Variants in CLTRN observed in about 807,000 individuals in gnomAD.
The protein encoded by CLTRN is collectrin.
CLTRN carries 12 observed loss-of-function variants against 14.5 expected under a neutral mutation model. The ratio of observed to expected loss-of-function variants is 0.83; its 90% CI spans 0.53 to 1.34. CLTRN has a LOEUF of 1.34. CLTRN is among the 40% of genes most tolerant of loss of function. The pLI is 0.00. For missense variants in CLTRN, 154 were observed against 165.1 expected (o/e 0.93, Z 0.37); for synonymous variants, 58 against 56.5 (o/e 1.03, Z -0.12).
At chrX:15,670,727 G>A (rs935710138) in intron 1 of CLTRN, among the ~76,000 whole-genome samples, 1 of 110,920 alleles carries the variant, frequency 9.0e-6, no homozygotes, top group African/African-American at 3.3e-5. Context: ...GCAGATGAGA[G>A]GATTCTACTG....
At chrX:15,630,790 C>T (rs1928676617) in intron 5 of CLTRN, among the ~76,000 whole-genome samples, 1 of 111,862 alleles carries the variant, frequency 8.9e-6, no homozygotes, top group South Asian at 3.7e-4. Context: ...CAGCAATCAG[C>T]AATCAGCATG....
intron 4 of CLTRN, among the ~76,000 whole-genome samples, chrX:15,644,199 C>T (rs1351818135): frequency 8.9e-6 from 1 of 111,932 alleles, no homozygotes; most frequent in Non-Finnish European, 1.9e-5. Context: ...CCTGATTGTC[C>T]TGCTGAGAGC....
chrX:15,670,308 A>AACACACACACACAC lies in CLTRN; in HGVS notation c.-505-2386_-505-2373dup, dbSNP rs753295306. 2.7e-3 allele frequency among the ~76,000 whole-genome samples: 231 copies of AACACACACACACAC among 86,290 alleles called. 6 individuals carry two copies. The East Asian group carries it at 0.056, about 21-fold the overall frequency. 74.9% of individuals were successfully genotyped at this position (86,290 alleles called of 115,157 possible). On this transcript the variant is annotated intron_variant, in intron 1 of 6. Transcript: ENST00000650271. ...TAAAAAAAACAAAAACCAAAAACAAAACACACACACACACACACACACACA... is the reference window on the plus strand; with the variant it reads ...TAAAAAAAACAAAAACCAAAAACAAAACACACACACACACACACACACACACACACACACACACA...
At chrX:15,672,850 A>AT (rs1929742763) in intron 1 of CLTRN, among the ~76,000 whole-genome samples, 1 of 112,229 alleles carries the variant, frequency 8.9e-6, no homozygotes, top group South Asian at 3.7e-4. Flanking sequence ...CAACTGAGCT[A>AT]TTCAGTCCAC....
chrX:15,640,076 G>C (rs1183866565), intron 4 of CLTRN, among the ~76,000 whole-genome samples: 1 of 111,423 alleles, frequency 9.0e-6, no homozygotes, highest in African/African-American at 3.3e-5. Context: ...GGAGGGACTC[G>C]TCTCTGGAGG....
chrX:15,670,351 A>ACACACACAC (rs751102467), intron 1 of CLTRN, among the ~76,000 whole-genome samples: 11 of 107,539 alleles, frequency 1.0e-4, no homozygotes, highest in South Asian at 8.0e-4. Flanking sequence ...ACACACACAC[A>ACACACACAC]AACCCCTTTG....
At chrX:15,650,679 C>G (rs1417638592) in intron 3 of CLTRN, among the ~76,000 whole-genome samples, 5 of 111,852 alleles carry the variant, frequency 4.5e-5, no homozygotes, top group Non-Finnish European at 1.9e-5. Context: ...TGTTTCTGCC[C>G]AAATATGTAA....
intron 3 of CLTRN, among the ~76,000 whole-genome samples, chrX:15,653,180 G>GA (rs1555982961): frequency 9.0e-6 from 1 of 110,897 alleles, no homozygotes; most frequent in East Asian, 2.8e-4. Flanking sequence ...GAAGTTTGGG[G>GA]TTTTTTTTCC....
chrX:15,630,694 T>C (rs1432375261), intron 5 of CLTRN, among the ~76,000 whole-genome samples: 2 of 111,524 alleles, frequency 1.8e-5, no homozygotes, highest in Non-Finnish European at 3.8e-5. Context: ...AAGTCAGGAG[T>C]TGTGGTCCTA....
At chrX:15,669,413 C>T (rs1929676709), upstream of CLTRN, among the ~76,000 whole-genome samples, 1 of 112,224 alleles carries the variant, frequency 8.9e-6, no homozygotes, top group East Asian at 2.8e-4. Flanking sequence ...TTACTATTTA[C>T]TTCCAAACGT....
chrX:15,664,286 A>G, intron 2 of CLTRN, 51 bp downstream of exon 2: 2 of 957,346 alleles, frequency 2.1e-6, no homozygotes, highest in East Asian at 6.5e-5. Context: ...GAGAAAGCAC[A>G]GTGTTATTAG....
intron 3 of CLTRN, among the ~76,000 whole-genome samples, chrX:15,645,720 G>A (rs906688609): frequency 8.9e-6 from 1 of 112,016 alleles, no homozygotes; most frequent in Non-Finnish European, 1.9e-5. Context: ...CAAGTGAAAG[G>A]GGAGAAATGA....
intron 3 of CLTRN, among the ~76,000 whole-genome samples, chrX:15,649,854 A>G (rs1929174697): frequency 1.8e-5 from 2 of 109,789 alleles, no homozygotes; most frequent in Middle Eastern, 4.6e-3. Flanking sequence ...AGTGGATCAG[A>G]CTAAGGAGAA....
intron 2 of CLTRN, among the ~76,000 whole-genome samples, chrX:15,661,118 T>C (rs1414837645): frequency 8.9e-6 from 1 of 112,121 alleles, no homozygotes; most frequent in Non-Finnish European, 1.9e-5. Context: ...AAGAAATGGG[T>C]CTGATTAAAA....
intron 3 of CLTRN, among the ~76,000 whole-genome samples, chrX:15,655,145 T>G (rs1317876227): frequency 8.9e-6 from 1 of 111,792 alleles, no homozygotes; most frequent in Non-Finnish European, 1.9e-5. Context: ...AGCCATTTCC[T>G]CCGGGCTCCA....
rs1929418307 is a variant in CLTRN, at chrX:15,658,175, G to A, written c.203+841C>T. Reference sequence around the variant, plus strand: ...ATTCACCTCCATTGTCTCAAGTAGAGCATAAGTGAGGCAGGTATTGTCCTG... The same window carrying A: ...ATTCACCTCCATTGTCTCAAGTAGAACATAAGTGAGGCAGGTATTGTCCTG... On this transcript the variant is annotated intron_variant, in intron 3 of 5. Transcript: ENST00000380342. Among the ~76,000 whole-genome samples, 7 of 112,490 alleles carry A rather than the reference G, an allele frequency of 6.2e-5. No homozygotes were observed. In the Admixed American group the frequency reaches 6.6e-4, roughly 11 times the overall value.
rs115280769 is a variant in CLTRN at position 15,635,737 on chromosome X, G to A, written c.512+3825C>T. 7.3e-3 allele frequency among the ~76,000 whole-genome samples: 811 copies of A among 111,437 alleles called. 9 individuals are homozygous for A. Among genetic ancestry groups the A allele is most frequent in the African/African-American group, 0.026 (792 of 30,683 alleles). ...ATTGGTCTGGGCAATGACCCCAAAAGCACAAAAACAAATTCAAAAATAGAC... is the reference window on the plus strand; with the variant it reads ...ATTGGTCTGGGCAATGACCCCAAAAACACAAAAACAAATTCAAAAATAGAC... On this transcript the variant is annotated intron_variant, in intron 5 of 5. Transcript: ENST00000380342.
intron 5 of CLTRN, 108 bp from the exon 6 acceptor site, chrX:15,628,235 G>T: frequency 2.0e-6 from 1 of 508,557 alleles, no homozygotes; most frequent in Non-Finnish European, 2.8e-6. Context: ...AGGAACCTTA[G>T]AACAATGAAA....
chrX:15,651,674 G>A (rs1224738656), intron 3 of CLTRN, among the ~76,000 whole-genome samples: 5 of 111,529 alleles, frequency 4.5e-5, no homozygotes, highest in African/African-American at 1.6e-4. Flanking sequence ...CCTGGGACAT[G>A]AGGACATGAG....
Sources: allele counts gnomAD v4.1 joint callset (sites outside exome capture counted in the v4.1 genomes callset), GRCh38; gene constraint gnomAD v4.1.1; transcripts MANE v1.5; gene names NCBI Gene and HGNC (gene_info 2026-07-23, HGNC 2026-07-21).